Variants in KTN1 observed in about 807,000 individuals in gnomAD.
KTN1 encodes the protein kinectin 1, also known as kinectin.
KTN1 carries 130 observed loss-of-function variants against 222.5 expected under a neutral mutation model. That is an observed-to-expected ratio of 0.58 (90% CI 0.51 to 0.68). KTN1 has a LOEUF of 0.68. KTN1 is among the 30% of genes least tolerant of loss of function. The pLI, the probability that KTN1 is intolerant of heterozygous loss-of-function variation, is 0.00. For synonymous variants in KTN1, 512 were observed against 496.3 expected, an observed-to-expected ratio of 1.03 and a Z score of -0.42; for missense variants, 1,508 against 1,500.4, an observed-to-expected ratio of 1.01 and a Z score of -0.08.
chr14:55,675,485 AAACT>A (rs149139829), intron 40 of KTN1: 2,024 of 175,294 alleles, frequency 0.012, 33 homozygotes, highest in African/African-American at 0.041. Context: ...AAGCCTTTAA[AAACT>A]AACGGGTAAA....
chr14:55,625,079 G>A (rs73289507), intron 5 of KTN1, among the ~76,000 whole-genome samples: 2 of 152,286 alleles, frequency 1.3e-5, no homozygotes, highest in Admixed American at 1.3e-4. Context: ...ACTTGAGAGT[G>A]TGGTTAAGAT....
At chr14:55,672,875 ATAT>A (rs1379178722) in intron 38 of KTN1, 51 bp from the exon 39 acceptor site, 7 of 1,425,936 alleles carry the variant, frequency 4.9e-6, no homozygotes, top group African/African-American at 4.2e-5. Flanking sequence ...TTGTGGGGAA[ATAT>A]TATGAAAGGA....
At position 55,684,187 on chromosome 14, in the gene KTN1, CCTTT is replaced by C; in HGVS notation, c.*87_*90del. On this transcript the variant is annotated 3_prime_UTR_variant, in exon 44 of 44. Transcript: ENST00000395314. The stretch of plus-strand genomic sequence containing the variant: ...ATTAAAGCCTTATTTATGTTTTCAC[CCTTT>C]CTACTTTGTCAGAAACACTGAACAG... 9.5e-7 allele frequency: 1 copy of C among 1,055,100 alleles called. No homozygotes were observed. The highest frequency in any genetic ancestry group is 1.4e-6 in the Non-Finnish European group (1 of 707,676). The allele number at this position is 1,055,100 out of a possible 1,614,324, so 65.4% of individuals were successfully genotyped here.
At chr14:55,669,933 A>G (rs143303684) in intron 34 of KTN1, among the ~76,000 whole-genome samples, 2 of 152,132 alleles carry the variant, frequency 1.3e-5, no homozygotes, top group East Asian at 1.9e-4. Context: ...AATTTAATCC[A>G]AAGACTTAAA....
chr14:55,670,577 AC>A, intron 34 of KTN1, 151 bp from the exon 35 acceptor site: 1 of 546,634 alleles, frequency 1.8e-6, no homozygotes, highest in East Asian at 3.0e-5. Flanking sequence ...TGCAGTAGTT[AC>A]ATTCCTCTTT....
At chr14:55,613,240 AATTCTAAGGTAGAC>A (rs895934600) in intron 2 of KTN1, among the ~76,000 whole-genome samples, 3 of 152,154 alleles carry the variant, frequency 2.0e-5, no homozygotes, top group African/African-American at 7.2e-5. Context: ...CCAGTGTAGG[AATTCTAAGGTAGAC>A]CACTTAAAGC....
chr14:55,597,918 T>C (rs1028572632), intron 1 of KTN1, among the ~76,000 whole-genome samples: 4 of 151,954 alleles, frequency 2.6e-5, no homozygotes, highest in African/African-American at 9.7e-5. Context: ...CAGAATAGAT[T>C]GTAAGGTTTA....
intron 8 of KTN1, among the ~76,000 whole-genome samples, 175 bp from the exon 9 acceptor site, chr14:55,634,351 T>A (rs2040872197): frequency 6.6e-6 from 1 of 152,238 alleles, no homozygotes; most frequent in Non-Finnish European, 1.5e-5. Context: ...CTCATTAGAA[T>A]TATATAGGAA....
chr14:55,648,350 A>T (rs1595091788), intron 20 of KTN1, among the ~76,000 whole-genome samples: 1 of 152,332 alleles, frequency 6.6e-6, no homozygotes, highest in Admixed American at 6.5e-5. Flanking sequence ...CCCCACTTGC[A>T]CCAAAATTAT....
chr14:55,633,034 T>C (rs2040709571), intron 7 of KTN1, among the ~76,000 whole-genome samples: 1 of 152,210 alleles, frequency 6.6e-6, no homozygotes, highest in African/African-American at 2.4e-5. Flanking sequence ...TATTCTTGAA[T>C]GTGGTGACAG....
chr14:55,598,423 A>G (rs1049733964), intron 1 of KTN1, among the ~76,000 whole-genome samples: 3 of 148,866 alleles, frequency 2.0e-5, no homozygotes, highest in Non-Finnish European at 4.5e-5. Context: ...CGACAGAGCG[A>G]GACTCCATCT....
chr14:55,643,772 A>G (rs2042023831), intron 18 of KTN1, among the ~76,000 whole-genome samples: 1 of 152,210 alleles, frequency 6.6e-6, no homozygotes, highest in Non-Finnish European at 1.5e-5. Flanking sequence ...ATGCCATTGT[A>G]ATACCTTATG....
intron 43 of KTN1, chr14:55,680,776 A>T (rs940497678): frequency 6.1e-6 from 7 of 1,138,638 alleles, no homozygotes; most frequent in Non-Finnish European, 7.4e-6. Flanking sequence ...CCATATAATA[A>T]GCCCAGCTCA....
At chr14:55,616,401 A>G (rs2274072) in intron 2 of KTN1, 116 bp from the exon 3 acceptor site, 9,441 of 856,898 alleles carry the variant, frequency 0.011, 274 homozygotes, top group Admixed American at 0.087. Context: ...AGAGCGTTAT[A>G]TGTCAGACTT....
chr14:55,608,331 T>A (rs1331903936), intron 1 of KTN1, among the ~76,000 whole-genome samples: 1 of 152,202 alleles, frequency 6.6e-6, no homozygotes, highest in Admixed American at 6.5e-5. Flanking sequence ...TTTGCCTTTT[T>A]AAAATAATAT....
chr14:55,660,884 C>T (rs2044067007), intron 31 of KTN1, among the ~76,000 whole-genome samples: 1 of 152,116 alleles, frequency 6.6e-6, no homozygotes, highest in Admixed American at 6.5e-5. Flanking sequence ...CCCTAGTTTG[C>T]CAGCCTCTTA....
At chr14:55,673,924 T>C (rs553153051) in intron 40 of KTN1, 194 of 152,258 alleles carry the variant, frequency 1.3e-3, no homozygotes, top group African/African-American at 4.4e-3. Context: ...CAAATATGGC[T>C]GTCTTGCTCT....
intron 18 of KTN1, among the ~76,000 whole-genome samples, chr14:55,646,545 C>CTTCTCTCT (rs1376205582): frequency 8.0e-6 from 1 of 124,678 alleles, no homozygotes; most frequent in Non-Finnish European, 1.6e-5. Flanking sequence ...CTTTCCTTTC[C>CTTCTCTCT]TTCTCTCTTT....
chr14:55,653,112 G>A lies in KTN1; in HGVS notation c.2763+27G>A, dbSNP rs183881388. On this transcript the variant is annotated intron_variant, in intron 27 of 43. Transcript: ENST00000395314. ...TATAGTATAAACAAATTACCAACAT[G>A]TTACATAAGGAATGATAAATCTTTG... 4.8e-3 allele frequency: 6,361 copies of A among 1,338,514 alleles called. 101 individuals carry two copies. The highest frequency in any genetic ancestry group is 3.6e-3 in the Non-Finnish European group (3,339 of 938,756). The allele number at this position is 1,338,514 out of a possible 1,614,324, so 82.9% of individuals were successfully genotyped here.
Sources: gnomAD v4.1 joint callset for allele counts (sites outside exome capture counted in the v4.1 genomes callset) on GRCh38, gnomAD v4.1.1 for gene constraint, MANE v1.5 for transcripts, NCBI Gene and HGNC (gene_info 2026-07-23, HGNC 2026-07-21) for gene names.